The following MAP3K20 variants were observed in gnomAD, a reference collection of about 807,000 sequenced individuals.
MAP3K20 encodes mitogen-activated protein kinase kinase kinase 20, also known as HCCS-4.
In MAP3K20, 40 loss-of-function variants were observed where a neutral mutation model predicts 85.7. That is an observed-to-expected ratio of 0.47 (90% CI 0.36 to 0.61). The LOEUF (loss-of-function observed/expected upper bound fraction) is 0.61. MAP3K20 is among the 20% of genes least tolerant of loss of function. The pLI, the probability that MAP3K20 is intolerant of heterozygous loss-of-function variation, is 0.00. For synonymous variants in MAP3K20, 325 were observed against 327.7 expected, an observed-to-expected ratio of 0.99 and a Z score of 0.09; for missense variants, 817 against 961.7, an observed-to-expected ratio of 0.85 and a Z score of 1.99.
intron 1 of MAP3K20, among the ~76,000 whole-genome samples, chr2:173,083,751 C>T (rs1433333694): frequency 6.6e-6 from 1 of 152,126 alleles, no homozygotes; most frequent in Non-Finnish European, 1.5e-5. Flanking sequence ...ATTCACTGAT[C>T]TATGTTAAAG....
rs749352453 is a variant in MAP3K20 at position 173,266,675 on chromosome 2, G to GC, written c.2332dup (p.His778ProfsTer10). On this transcript the variant is annotated frameshift_variant, in exon 20 of 20. Coordinates refer to ENST00000375213, the MANE Select transcript of MAP3K20 (RefSeq NM_016653.3). LOFTEE classifies it low-confidence loss of function (END_TRUNC). The stretch of plus-strand genomic sequence containing the variant: ...GGACAAAAGTGGAATACCGGAAAAA[G>GC]CCCCACAGGCCATCTCCCGCCAAAA... The GC allele has an allele frequency of 6.2e-7, 1 of 1,606,670 alleles. No homozygotes were observed. Among genetic ancestry groups the GC allele is most frequent in the Non-Finnish European group, 8.5e-7 (1 of 1,176,892 alleles).
intron 2 of MAP3K20, among the ~76,000 whole-genome samples, chr2:173,168,841 CATT>C (rs1689916740): frequency 6.6e-6 from 1 of 152,008 alleles, no homozygotes; most frequent in African/African-American, 2.4e-5. Context: ...TTTCTATTGA[CATT>C]AGCAGATATA....
intron 1 of MAP3K20, among the ~76,000 whole-genome samples, chr2:173,078,737 G>A (rs1453233024): frequency 6.6e-6 from 1 of 152,182 alleles, no homozygotes. Context: ...TGAACTTTAG[G>A]TGGATGGTGA....
At chr2:173,256,474 T>TA (rs1029515418) in intron 16 of MAP3K20, among the ~76,000 whole-genome samples, 10 of 147,498 alleles carry the variant, frequency 6.8e-5, no homozygotes, top group African/African-American at 2.6e-4. Flanking sequence ...AAAAGAAATT[T>TA]AAAAAAATAG....
chr2:173,089,927 C>CA (rs1007704514), intron 1 of MAP3K20, among the ~76,000 whole-genome samples: 12 of 151,108 alleles, frequency 7.9e-5, no homozygotes, highest in African/African-American at 2.9e-4. Context: ...AAAAAACAAA[C>CA]AAAAAAAAAC....
At chr2:173,222,961 CTG>C in intron 11 of MAP3K20, 1 of 985,344 alleles carries the variant, frequency 1.0e-6, no homozygotes, top group South Asian at 4.7e-5. Context: ...CATTATTTGA[CTG>C]TTAAACCAAA....
At chr2:173,247,975 G>C (rs1011362596) in intron 16 of MAP3K20, among the ~76,000 whole-genome samples, 3 of 152,158 alleles carry the variant, frequency 2.0e-5, no homozygotes, top group Admixed American at 2.0e-4. Context: ...TTTTAAGAAG[G>C]GTGACATGAA....
intron 2 of MAP3K20, among the ~76,000 whole-genome samples, chr2:173,091,942 C>T (rs988347866): frequency 1.3e-5 from 2 of 152,192 alleles, no homozygotes; most frequent in Non-Finnish European, 2.9e-5. Flanking sequence ...ACTTCAGCAG[C>T]GACCCTCTGG....
rs1256689851 is a variant in MAP3K20 at position 173,144,480 on chromosome 2, A to G, written c.160-25325A>G. On this transcript the variant is annotated intron_variant, in intron 2 of 19. Transcript: ENST00000375213. ...TCCGTCTCAAAAAAAAAAAAAAAAAAAAAAAGAAAAGAAAGAAAGAAGAGA... is the reference window on the plus strand; with the variant it reads ...TCCGTCTCAAAAAAAAAAAAAAAAAGAAAAAGAAAAGAAAGAAAGAAGAGA... Among the ~76,000 whole-genome samples, 103 of 137,106 alleles carry G rather than the reference A, an allele frequency of 7.5e-4. 1 individual carries two copies. Among genetic ancestry groups the G allele is most frequent in the African/African-American group, 2.3e-3 (93 of 39,810 alleles). The allele number at this position is 137,106 out of a possible 152,430, so 89.9% of individuals were successfully genotyped here.
intron 16 of MAP3K20, among the ~76,000 whole-genome samples, chr2:173,244,313 G>A (rs1285557404): frequency 6.6e-6 from 1 of 152,222 alleles, no homozygotes; most frequent in Non-Finnish European, 1.5e-5. Flanking sequence ...TTGGAACCAT[G>A]AGTATTTTAT....
rs185783507 is a variant in MAP3K20 at position 173,191,359 on chromosome 2, A to G, written c.582+182A>G. 7.9e-5 allele frequency among the ~76,000 whole-genome samples: 12 copies of G among 152,362 alleles called. No individual in the cohort carries two copies. The East Asian group carries it at 1.7e-3, about 22-fold the overall frequency. On this transcript the variant is annotated intron_variant, in intron 7 of 19. Transcript: ENST00000375213. ...CCAAAATGTTTAATCATTTTTAATC[A>G]TCGGAGTTATTTTGTCCTGTGTTGA...
At chr2:173,092,281 C>A (rs1446785329) in intron 2 of MAP3K20, among the ~76,000 whole-genome samples, 10 of 152,168 alleles carry the variant, frequency 6.6e-5, no homozygotes, top group Admixed American at 6.5e-4. Flanking sequence ...GCTTTTAAAG[C>A]CCATCCGTAC....
chr2:173,155,523 G>A (rs1184159605), intron 2 of MAP3K20, among the ~76,000 whole-genome samples: 2 of 152,082 alleles, frequency 1.3e-5, no homozygotes, highest in Admixed American at 6.5e-5. Context: ...GAGTGAAAGA[G>A]GAAACTAACT....
chr2:173,189,422 A>C (rs1036002393), intron 5 of MAP3K20, among the ~76,000 whole-genome samples: 6 of 152,162 alleles, frequency 3.9e-5, no homozygotes, highest in Admixed American at 1.3e-4. Context: ...GAAACATCTG[A>C]AACAGTTCTT....
chr2:173,097,591 G>C (rs1687500527), intron 2 of MAP3K20, among the ~76,000 whole-genome samples: 1 of 152,094 alleles, frequency 6.6e-6, no homozygotes, highest in Admixed American at 6.5e-5. Flanking sequence ...TTCTTCATCT[G>C]TCTTGGCTTT....
intron 14 of MAP3K20, among the ~76,000 whole-genome samples, chr2:173,233,262 A>G (rs910259551): frequency 1.3e-5 from 2 of 152,254 alleles, no homozygotes; most frequent in Non-Finnish European, 2.9e-5. Context: ...AAGCCAATGC[A>G]GTAACCTAAA....
At chr2:173,188,704 CCT>C (rs1690565592) in intron 5 of MAP3K20, among the ~76,000 whole-genome samples, 1 of 152,090 alleles carries the variant, frequency 6.6e-6, no homozygotes, top group African/African-American at 2.4e-5. Flanking sequence ...CCAATTTAAC[CCT>C]GTCTGATTGT....
At chr2:173,144,566 CATGCA>C (rs777336687) in intron 2 of MAP3K20, among the ~76,000 whole-genome samples, 4 of 147,780 alleles carry the variant, frequency 2.7e-5, no homozygotes, top group Admixed American at 6.7e-5. Flanking sequence ...AGTGGGGGGG[CATGCA>C]CCTGTAATCA....
At chr2:173,166,515 T>C (rs73023635) in intron 2 of MAP3K20, 20,917 of 152,216 alleles carry the variant, frequency 0.14, 1,946 homozygotes, top group African/African-American at 0.26. Flanking sequence ...ATTATTTCTG[T>C]GTAACTTAAA....
Sources: gnomAD v4.1 joint callset for allele counts (sites outside exome capture counted in the v4.1 genomes callset) on GRCh38, gnomAD v4.1.1 for gene constraint, MANE v1.5 for transcripts, NCBI Gene and HGNC (gene_info 2026-07-23, HGNC 2026-07-21) for gene names.